ACACA: variants seen among roughly 807,000 people sequenced by gnomAD.
ACACA encodes acetyl-CoA carboxylase 1.
A neutral mutation model predicts 296.1 loss-of-function variants in ACACA; 103 were observed. That is an observed-to-expected ratio of 0.35 (90% CI 0.30 to 0.41). ACACA has a LOEUF of 0.41. Ranked by LOEUF, ACACA falls within the 10% of genes least tolerant of loss-of-function variation. The pLI is 1.00. For missense variants in ACACA, 1,554 were observed against 2,989.7 expected (o/e 0.52, Z 11.20); for synonymous variants, 953 against 1,038.6 (o/e 0.92, Z 1.58).
intron 3 of ACACA, among the ~76,000 whole-genome samples, chr17:37,303,742 C>G (rs2083739680): frequency 6.6e-6 from 1 of 152,178 alleles, no homozygotes; most frequent in Admixed American, 6.6e-5. Context: ...CCTGTAATAC[C>G]AGCTACTCAG....
chr17:37,331,777 A>T (rs1334755125), intron 2 of ACACA, among the ~76,000 whole-genome samples: 2 of 151,922 alleles, frequency 1.3e-5, no homozygotes, highest in East Asian at 3.9e-4. Context: ...CCTGGGCTCA[A>T]GCAATCCTCT....
At position 37,333,570 on chromosome 17, in the gene ACACA, G is replaced by A. The variant is rs193021007; in HGVS notation, c.86-3145C>T. ...TCAGGATGGCTAGCCACCAAAGAAG[G>A]AAAAATACTTTTGCCTGCAGCTAAC... is the stretch of plus-strand genomic sequence containing the variant. On this transcript the variant is annotated intron_variant, in intron 2 of 55. Coordinates refer to ENST00000616317, the MANE Select transcript of ACACA (RefSeq NM_198834.3). Among the ~76,000 whole-genome samples the A allele has an allele frequency of 3.0e-3, 456 of 151,912 alleles. 3 individuals carry two copies. The South Asian group carries it at 0.033, about 11-fold the overall frequency.
chr17:37,204,040 C>CATTG (rs979437170), intron 33 of ACACA, among the ~76,000 whole-genome samples: 11 of 152,084 alleles, frequency 7.2e-5, no homozygotes, highest in Admixed American at 7.2e-4. Flanking sequence ...AGATATCTAC[C>CATTG]ATTGGCATTA....
intron 52 of ACACA, among the ~76,000 whole-genome samples, chr17:37,110,237 T>C (rs961794113): frequency 6.6e-6 from 1 of 152,222 alleles, no homozygotes; most frequent in African/African-American, 2.4e-5. Context: ...GCCATCTAAG[T>C]GAGATGCTTA....
At chr17:37,190,430 C>CA (rs1203961088) in intron 38 of ACACA, among the ~76,000 whole-genome samples, 300 of 129,578 alleles carry the variant, frequency 2.3e-3, no homozygotes, top group South Asian at 7.9e-3. Context: ...TCTGTCTCAA[C>CA]AAAAAAAAAA....
At chr17:37,297,351 G>T (rs1002155686) in intron 3 of ACACA, among the ~76,000 whole-genome samples, 1 of 149,806 alleles carries the variant, frequency 6.7e-6, no homozygotes, top group Non-Finnish European at 1.5e-5. Context: ...TGAGGCAGGG[G>T]AATCGCTTGA....
chr17:37,377,883 C>G, intron 1 of ACACA: 1 of 1,613,108 alleles, frequency 6.2e-7, no homozygotes, highest in Non-Finnish European at 8.5e-7. Flanking sequence ...CCCCAGACCT[C>G]AGAGATAGCA....
intron 3 of ACACA, among the ~76,000 whole-genome samples, chr17:37,320,348 T>TA (rs893859236): frequency 6.6e-5 from 10 of 151,376 alleles, no homozygotes; most frequent in African/African-American, 2.2e-4. Context: ...CTGTCTCTAC[T>TA]AAAAAAACAA....
intron 28 of ACACA, 69 bp from the exon 29 acceptor site, chr17:37,221,911 A>G (rs1265708984): frequency 1.4e-6 from 2 of 1,388,312 alleles, no homozygotes; most frequent in East Asian, 2.3e-5. Flanking sequence ...CCAGAAAAAG[A>G]GTCTTGAAAC....
Position 37,259,782 on chromosome 17 carries a change from C to G in ACACA, c.1330-252G>C, listed in dbSNP as rs141847048. On this transcript the variant is annotated intron_variant, in intron 11 of 55. Coordinates refer to ENST00000616317, the MANE Select transcript of ACACA (RefSeq NM_198834.3). ...TCACCCCACCAGACATAAATGCATG[C>G]AGACAAAAAAACATGGGGACAGACT... Among the ~76,000 whole-genome samples the G allele has an allele frequency of 2.6e-4, 40 of 151,990 alleles. No homozygotes were observed. In the East Asian group the frequency reaches 7.7e-3, roughly 29 times the overall value.
chr17:37,266,330 CT>C (rs2081770563), intron 10 of ACACA, among the ~76,000 whole-genome samples: 2 of 151,910 alleles, frequency 1.3e-5, no homozygotes, highest in African/African-American at 4.8e-5. Flanking sequence ...AGGAGAATCA[CT>C]TGAACCTGGG....
intron 1 of ACACA, among the ~76,000 whole-genome samples, chr17:37,404,570 A>ATTTTTT (rs5820212): frequency 9.5e-6 from 1 of 104,740 alleles, no homozygotes; most frequent in Non-Finnish European, 1.9e-5. Flanking sequence ...TGCCACAGTG[A>ATTTTTT]TTTTTTTTTT....
At chr17:37,190,819 T>C (rs1470347777) in intron 38 of ACACA, among the ~76,000 whole-genome samples, 2 of 152,230 alleles carry the variant, frequency 1.3e-5, no homozygotes, top group Non-Finnish European at 2.9e-5. Flanking sequence ...ACCACTATTA[T>C]GGCAAATATA....
chr17:37,381,686 GGT>G (rs2050271402), intron 1 of ACACA, among the ~76,000 whole-genome samples: 1 of 143,604 alleles, frequency 7.0e-6, no homozygotes, highest in Non-Finnish European at 1.5e-5. Context: ...GGAGTGCAGT[GGT>G]GCGATCTCAG....
intron 14 of ACACA, among the ~76,000 whole-genome samples, chr17:37,256,104 A>AG (rs1425739745): frequency 2.6e-5 from 4 of 152,112 alleles, no homozygotes; most frequent in Non-Finnish European, 5.9e-5. Context: ...TTATAGTCCT[A>AG]CTTTTAAGAG....
At chr17:37,237,663 G>A (rs1416831137) in intron 24 of ACACA, among the ~76,000 whole-genome samples, 1 of 152,122 alleles carries the variant, frequency 6.6e-6, no homozygotes, top group Non-Finnish European at 1.5e-5. Flanking sequence ...CTATTAGGAT[G>A]TCTTTAACTT....
At chr17:37,342,425 AAAAAAAAAAAAATAT>A (rs2048414818) in intron 1 of ACACA, among the ~76,000 whole-genome samples, 1 of 126,110 alleles carries the variant, frequency 7.9e-6, no homozygotes, top group Non-Finnish European at 1.6e-5. Flanking sequence ...AAAAAAAAAA[AAAAAAAAAAAAATAT>A]ATATATATAT....
Position 37,186,656 on chromosome 17 carries a change from A to C in ACACA, c.4776+1621T>G, listed in dbSNP as rs118188112. 7.6e-4 allele frequency among the ~76,000 whole-genome samples: 116 copies of C among 152,290 alleles called. 1 individual carries two copies. The East Asian group carries it at 0.02, about 27-fold the overall frequency. On this transcript the variant is annotated intron_variant, in intron 39 of 55. Transcript: ENST00000616317. ...ATGGCAGTAGCTCTTGAACTCTCTC[A>C]AGTGAAGAGTCTGTAGAAGACCTCT...
intron 3 of ACACA, chr17:37,299,902 A>G (rs1264057139): frequency 1.8e-5 from 11 of 610,702 alleles, no homozygotes; most frequent in Non-Finnish European, 2.3e-5. Context: ...CTGAGATCCA[A>G]TCAAAACAAA....
Sources: gnomAD v4.1 joint callset for allele counts (sites outside exome capture counted in the v4.1 genomes callset) on GRCh38, gnomAD v4.1.1 for gene constraint, MANE v1.5 for transcripts, NCBI Gene and HGNC (gene_info 2026-07-23, HGNC 2026-07-21) for gene names.